MYO7A: variants seen among roughly 807,000 people sequenced by gnomAD.
MYO7A encodes the protein myosin VIIA.
In MYO7A, 210 loss-of-function variants were observed where a neutral mutation model predicts 263.8. That is an observed-to-expected ratio of 0.80 (90% confidence interval 0.71 to 0.89). The LOEUF is 0.89. Among genes scored for constraint, MYO7A ranks in the 40% least tolerant of loss-of-function variants. The pLI, the probability that MYO7A is intolerant of heterozygous loss-of-function variation, is 0.00. For missense variants in MYO7A, 2,820 were observed against 2,968.3 expected (o/e 0.95, Z 1.16); for synonymous variants, 1,239 against 1,197.3 (o/e 1.03, Z -0.72).
intron 42 of MYO7A, 44 bp from the exon 43 acceptor site, chr11:77,208,386 C>T (rs772247000): frequency 4.1e-6 from 6 of 1,455,112 alleles, no homozygotes; most frequent in Non-Finnish European, 5.7e-6. Flanking sequence ...TCAGAAAATG[C>T]AGTGTTGCTT....
rs782255256 is a variant in MYO7A, at chr11:77,162,145, G to A, written c.1369G>A (p.Ala457Thr). The stretch of plus-strand genomic sequence containing the variant: ...CTTTGAGCAGCTCTGCATCAACTTC[G>A]CCAATGAGCACCTGCAGCAGTTCTT... The part of the protein sequence containing the change: ...NSFEQLCINF[A>T]NEHLQQFFVR... Residue 457 changes from alanine (A) to threonine (T), a missense_variant, in exon 13 of 49, where the codon GCC (alanine) becomes ACC (threonine). Coordinates refer to ENST00000409709, the MANE Select transcript of MYO7A (RefSeq NM_000260.4). 30 of 1,602,946 alleles carry A rather than the reference G, an allele frequency of 1.9e-5. No homozygotes were observed. The highest frequency in any genetic ancestry group is 2.3e-5 in the Non-Finnish European group (27 of 1,174,894).
rs1555048755 is a variant in MYO7A, at chr11:77,138,495, G to T, written c.19-4214G>T. On this transcript the variant is annotated intron_variant, in intron 2 of 48. Coordinates refer to ENST00000409709, the MANE Select transcript of MYO7A (RefSeq NM_000260.4). This position sits in a 1 kb window ranked among gnomAD's most constrained non-coding sequence, Gnocchi z 4.9. ...GCCTCAGTTTCCCCGCCTGTTAGAA[G>T]CTGGGCGGGCCACAAACAGGGTCGC... is the stretch of plus-strand genomic sequence containing the variant. Among the ~76,000 whole-genome samples the T allele has an allele frequency of 6.6e-6, 1 of 152,232 alleles. No individual in the cohort carries two copies. The highest frequency in any genetic ancestry group is 2.4e-5 in the African/African-American group (1 of 41,470).
At chr11:77,208,844 G>A (rs1320375157) in intron 44 of MYO7A, 41 bp downstream of exon 44, 2 of 1,440,352 alleles carry the variant, frequency 1.4e-6, no homozygotes, top group Non-Finnish European at 1.9e-6. Context: ...TGCACAGCTA[G>A]CGTTGCTGTA....
chr11:77,195,244 A>G (rs1410909832), intron 32 of MYO7A, among the ~76,000 whole-genome samples: 1 of 151,874 alleles, frequency 6.6e-6, no homozygotes, highest in Non-Finnish European at 1.5e-5. Flanking sequence ...GCTCCCCGCC[A>G]GCCTCTGCCT....
intron 28 of MYO7A, 128 bp downstream of exon 28, chr11:77,189,598 G>A: frequency 7.3e-7 from 1 of 1,362,870 alleles, no homozygotes; most frequent in East Asian, 2.3e-5. Context: ...TCCTTACTGA[G>A]CCCCATCTTC....
At chr11:77,209,689 C>T (rs1380962359) in intron 44 of MYO7A, among the ~76,000 whole-genome samples, 3 of 152,204 alleles carry the variant, frequency 2.0e-5, no homozygotes, top group Admixed American at 1.3e-4. Flanking sequence ...GTCTCTCCAT[C>T]ACCACCTTCC....
At chr11:77,133,051 G>A (rs1950811971) in intron 2 of MYO7A, among the ~76,000 whole-genome samples, 1 of 152,154 alleles carries the variant, frequency 6.6e-6, no homozygotes, top group Admixed American at 6.5e-5. Context: ...CCAGACCTAT[G>A]TGGGGAGACA....
rs753379772 is a variant in MYO7A, at chr11:77,138,417, G to A, written c.19-4292G>A. Among the ~76,000 whole-genome samples, 9 of 152,164 alleles carry A rather than the reference G, an allele frequency of 5.9e-5. No homozygotes were observed. Among genetic ancestry groups the A allele is most frequent in the African/African-American group, 1.9e-4 (8 of 41,442 alleles). ...CGTTCAAGACCTACGCCGTCCTGCC[G>A]GTGAGGCCCGGGCCAGGAGGGGAGA... is the stretch of plus-strand genomic sequence containing the variant. On this transcript the variant is annotated intron_variant, in intron 2 of 48. Transcript: ENST00000409709. The surrounding 1 kb of genome is among the most constrained non-coding windows in gnomAD (Gnocchi z 4.9).
chr11:77,180,794 T>G (rs1555083645), intron 22 of MYO7A, among the ~76,000 whole-genome samples: 1 of 152,118 alleles, frequency 6.6e-6, no homozygotes, highest in Non-Finnish European at 1.5e-5. Context: ...CACTGCCCAA[T>G]AGAGAGCCAC....
At chr11:77,180,049 A>AG in intron 21 of MYO7A, 96 bp downstream of exon 21, 3 of 1,273,146 alleles carry the variant, frequency 2.4e-6, no homozygotes, top group Non-Finnish European at 3.2e-6. Context: ...TGGGACCTAT[A>AG]GGGGGGACCT....
In MYO7A at chr11:77,166,171, G is replaced by A. The variant is rs2135346429; in HGVS notation, c.1797+9G>A. 2.5e-6 allele frequency: 4 copies of A among 1,613,066 alleles called. No homozygotes were observed. The highest frequency in any genetic ancestry group is 2.2e-5 in the East Asian group (1 of 44,852). ...AGGCCGATGTCGCCATGGTAAGCCG[G>A]GTGCGGTTTCTGTTGTTCGGGAAGG... On this transcript the variant is annotated intron_variant, in intron 15 of 48. Coordinates refer to ENST00000409709, the MANE Select transcript of MYO7A (RefSeq NM_000260.4).
chr11:77,166,476 C>A (rs1555072688), intron 15 of MYO7A, among the ~76,000 whole-genome samples: 2 of 152,112 alleles, frequency 1.3e-5, no homozygotes, highest in Admixed American at 1.3e-4. Flanking sequence ...CTAAAGAGAG[C>A]ATGGGCAGAA....
At chr11:77,160,530 G>A (rs910355220) in intron 11 of MYO7A, among the ~76,000 whole-genome samples, 1 of 152,174 alleles carries the variant, frequency 6.6e-6, no homozygotes, top group Admixed American at 6.5e-5. Flanking sequence ...CCCAGCCCAG[G>A]GATACTCTCT....
At chr11:77,134,612 C>T (rs1421102611) in intron 2 of MYO7A, among the ~76,000 whole-genome samples, 2 of 151,724 alleles carry the variant, frequency 1.3e-5, no homozygotes, top group African/African-American at 4.8e-5. Context: ...GGAGTACAGG[C>T]GCCTATCACT....
chr11:77,172,821 C>T lies in MYO7A; in HGVS notation c.1871C>T (p.Thr624Met), dbSNP rs953533173. The T allele has an allele frequency of 8.5e-5, 132 of 1,553,176 alleles. No individual in the cohort carries two copies. Among genetic ancestry groups the T allele is most frequent in the Non-Finnish European group, 9.5e-5 (109 of 1,148,076 alleles). ...FKRSLELLMR[T>M]LGACQPFFVR... ...CGGTCACTGGAGCTGCTGATGCGCA[C>T]GCTGGGTGCCTGCCAGCCCTTCTTT... is the stretch of plus-strand genomic sequence containing the variant. The change falls in exon 16 of 49, where the codon ACG becomes ATG. Residue 624 changes from threonine to methionine, a missense_variant. Physicochemically the swap from Thr to Met is moderately conservative, Grantham distance 81. Transcript: ENST00000409709.
In MYO7A at chr11:77,205,748, A is replaced by C. The variant is rs1591485182; in HGVS notation, c.5636+131A>C. On this transcript the variant is annotated intron_variant, in intron 40 of 48. Coordinates refer to ENST00000409709, the MANE Select transcript of MYO7A (RefSeq NM_000260.4). Reference sequence around the variant, plus strand: ...CCACCCCTGGGGTACCTCAACTGCCAGCTAGACGGAGGTGCGGATCCTGCA... The same window carrying C: ...CCACCCCTGGGGTACCTCAACTGCCCGCTAGACGGAGGTGCGGATCCTGCA... The C allele has an allele frequency of 6.4e-6, 8 of 1,240,600 alleles. No individual in the cohort carries two copies. The East Asian group carries it at 2.0e-4, about 31-fold the overall frequency. The allele number at this position is 1,240,600 out of a possible 1,614,324, so 76.8% of individuals were successfully genotyped here. A position where few individuals can be genotyped will look rare whatever the true frequency, so the allele number is the denominator to read the frequency against.
intron 2 of MYO7A, 93 bp from the exon 3 acceptor site, chr11:77,142,616 C>A (rs1591199632): frequency 1.8e-6 from 2 of 1,081,540 alleles, no homozygotes; most frequent in Non-Finnish European, 2.8e-6. Flanking sequence ...TGGCTCAGAG[C>A]CTCTGATTGT....
At chr11:77,142,857 T>A in intron 3 of MYO7A, 35 bp downstream of exon 3, 2 of 1,519,580 alleles carry the variant, frequency 1.3e-6, no homozygotes, top group Non-Finnish European at 1.8e-6. Flanking sequence ...GCCCCATGCC[T>A]TGGGGTCAGA....
intron 15 of MYO7A, 95 bp downstream of exon 15, chr11:77,166,257 C>G: frequency 9.2e-7 from 1 of 1,082,370 alleles, no homozygotes; most frequent in Non-Finnish European, 1.4e-6. Flanking sequence ...CAGCTGAGCC[C>G]CCTGGCCACA....
Sources: gnomAD v4.1 joint callset for allele counts (sites outside exome capture counted in the v4.1 genomes callset) on GRCh38, gnomAD v4.1.1 for gene constraint, Gnocchi (gnomAD v3.1) non-coding constraint, MANE v1.5 for transcripts, NCBI Gene and HGNC (gene_info 2026-07-23, HGNC 2026-07-21) for gene names.